Variants in ALK observed in about 807,000 individuals in gnomAD.
The protein encoded by ALK is ALK tyrosine kinase receptor.
In ALK, 74 loss-of-function variants were observed where a neutral mutation model predicts 163.1. The ratio of observed to expected loss-of-function variants is 0.45; its 90% CI spans 0.38 to 0.55. ALK has a LOEUF of 0.55. Ranked by LOEUF, ALK falls within the 20% of genes least tolerant of loss-of-function variation. The pLI is 0.00. For synonymous variants in ALK, 960 were observed against 843.2 expected (o/e 1.14, Z -2.40); for missense variants, 2,063 against 2,105.3 (o/e 0.98, Z 0.39).
intron 9 of ALK, among the ~76,000 whole-genome samples, chr2:29,288,200 TA>T (rs1665910629): frequency 6.6e-6 from 1 of 152,192 alleles, no homozygotes; most frequent in Admixed American, 6.5e-5. Flanking sequence ...GCAGGGGGCA[TA>T]AAGGAGCTTG....
At chr2:29,731,925 G>T (rs1679752796) in intron 1 of ALK, among the ~76,000 whole-genome samples, 1 of 152,210 alleles carries the variant, frequency 6.6e-6, no homozygotes, top group African/African-American at 2.4e-5. Flanking sequence ...GGAAGGTGAG[G>T]TCAATTCCCT....
At chr2:29,221,610 T>C (rs1442934090) in intron 22 of ALK, among the ~76,000 whole-genome samples, 1 of 152,160 alleles carries the variant, frequency 6.6e-6, no homozygotes, top group Non-Finnish European at 1.5e-5. Context: ...CATCAGAAAA[T>C]AAATGTTATT....
chr2:29,548,736 GAATA>G (rs1328387520), intron 3 of ALK, among the ~76,000 whole-genome samples: 1 of 152,100 alleles, frequency 6.6e-6, no homozygotes, highest in African/African-American at 2.4e-5. Flanking sequence ...TTTGCTGAAT[GAATA>G]AATTAATAAT....
chr2:29,553,067 A>G (rs1226771940), intron 3 of ALK, among the ~76,000 whole-genome samples: 8 of 152,166 alleles, frequency 5.3e-5, no homozygotes, highest in Non-Finnish European at 1.2e-4. Context: ...GCTCAGGATC[A>G]TTTCAAATAA....
In ALK at chr2:29,413,764, C is replaced by T. The variant is rs941367227; in HGVS notation, c.1155-29905G>A. 2.6e-5 allele frequency among the ~76,000 whole-genome samples: 4 copies of T among 152,072 alleles called. No homozygotes were observed. The East Asian group carries it at 7.7e-4, about 29-fold the overall frequency. ...GCCAGGCTGGTCTCGAACTCCTGAC[C>T]TCAGGTGACCCACCTGCCTCAGCCT... On this transcript the variant is annotated intron_variant, in intron 4 of 28. Transcript: ENST00000389048.
At chr2:29,698,297 C>T (rs563515622) in intron 2 of ALK, among the ~76,000 whole-genome samples, 187 of 152,216 alleles carry the variant, frequency 1.2e-3, no homozygotes, top group Non-Finnish European at 1.6e-3. Flanking sequence ...CTTTGCAACA[C>T]CAAAGTGACA....
chr2:29,339,157 A>C (rs2148268775), intron 5 of ALK, among the ~76,000 whole-genome samples: 1 of 152,084 alleles, frequency 6.6e-6, no homozygotes, highest in Non-Finnish European at 1.5e-5. Context: ...GCAGGAGAAT[A>C]GCTTGAACCC....
At chr2:29,900,735 C>T (rs186636642) in intron 1 of ALK, among the ~76,000 whole-genome samples, 126 of 152,274 alleles carry the variant, frequency 8.3e-4, no homozygotes, top group Non-Finnish European at 1.5e-3. Flanking sequence ...AAGGACTTGA[C>T]GCTCTGCTGC....
chr2:29,745,106 T>A (rs955335509), intron 1 of ALK, among the ~76,000 whole-genome samples: 5 of 152,306 alleles, frequency 3.3e-5, no homozygotes, highest in Non-Finnish European at 7.4e-5. Flanking sequence ...AAAGTGTGCT[T>A]TACTCTGTGC....
chr2:29,513,146 C>T (rs1355928306), intron 4 of ALK, among the ~76,000 whole-genome samples: 1 of 150,592 alleles, frequency 6.6e-6, no homozygotes, highest in African/African-American at 2.5e-5. Context: ...TTGGAAAAAA[C>T]TACTTTAAAG....
intron 4 of ALK, among the ~76,000 whole-genome samples, chr2:29,525,791 C>CAAAAAA (rs61519081): frequency 1.4e-5 from 1 of 69,174 alleles, no homozygotes; most frequent in African/African-American, 5.2e-5. Flanking sequence ...GACTCCATCT[C>CAAAAAA]AAAAAAAAAA....
chr2:29,756,495 C>T (rs1220299874), intron 1 of ALK, among the ~76,000 whole-genome samples: 2 of 151,818 alleles, frequency 1.3e-5, no homozygotes, highest in African/African-American at 4.8e-5. Context: ...GAAGCAAGCC[C>T]CTTAGCAAAG....
In ALK at chr2:29,285,441, G is replaced by A. The variant is rs1046088119; in HGVS notation, c.1818-9945C>T. Among the ~76,000 whole-genome samples the A allele has an allele frequency of 2.0e-5, 3 of 152,032 alleles. No homozygotes were observed. In the East Asian group the frequency reaches 5.8e-4, roughly 29 times the overall value. On this transcript the variant is annotated intron_variant, in intron 9 of 28. Coordinates refer to ENST00000389048, the MANE Select transcript of ALK (RefSeq NM_004304.5). ...ATTTTTTATATTTTTAGTAGAGATG[G>A]GGTTTCACTATGTTGGCCAGGAGCC... is the stretch of plus-strand genomic sequence containing the variant.
intron 5 of ALK, among the ~76,000 whole-genome samples, chr2:29,375,403 C>G (rs1441458234): frequency 2.8e-4 from 43 of 152,306 alleles, no homozygotes; most frequent in Admixed American, 2.7e-3. Flanking sequence ...ACTGCAAGCT[C>G]TGCCTCCCAG....
intron 3 of ALK, among the ~76,000 whole-genome samples, chr2:29,634,226 T>A (rs11693796): frequency 1.3e-5 from 2 of 151,478 alleles, no homozygotes; most frequent in Non-Finnish European, 2.9e-5. Context: ...CCCTCTCGAA[T>A]AGCTAGGATT....
At chr2:29,489,929 A>C (rs1671860841) in intron 4 of ALK, among the ~76,000 whole-genome samples, 1 of 152,260 alleles carries the variant, frequency 6.6e-6, no homozygotes, top group Non-Finnish European at 1.5e-5. Flanking sequence ...AGGAAGGTGG[A>C]AAATCTTTAG....
At chr2:29,821,156 T>C (rs1378724767) in intron 1 of ALK, among the ~76,000 whole-genome samples, 3 of 152,122 alleles carry the variant, frequency 2.0e-5, no homozygotes, top group Non-Finnish European at 4.4e-5. Flanking sequence ...CCACCTTCTG[T>C]TTTCCCACCC....
chr2:29,279,288 T>TTGCCA (rs879336394), intron 9 of ALK, among the ~76,000 whole-genome samples: 7 of 152,164 alleles, frequency 4.6e-5, no homozygotes, highest in African/African-American at 1.2e-4. Context: ...ATCAGGAAGA[T>TTGCCA]TCAATCAGAT....
intron 4 of ALK, among the ~76,000 whole-genome samples, chr2:29,394,870 GT>G (rs796521759): frequency 1.7e-3 from 257 of 147,236 alleles, no homozygotes; most frequent in African/African-American, 4.6e-3. Context: ...AATGCAGTAG[GT>G]TTTTTTTTTT....
Sources: gnomAD v4.1 joint callset for allele counts (sites outside exome capture counted in the v4.1 genomes callset) on GRCh38, gnomAD v4.1.1 for gene constraint, MANE v1.5 for transcripts, NCBI Gene and HGNC (gene_info 2026-07-23, HGNC 2026-07-21) for gene names.